The following COL11A1 variants were observed in gnomAD, a reference collection of about 807,000 sequenced individuals.
COL11A1 encodes the protein collagen type XI alpha 1 chain, also known as collagen alpha-1(XI) chain.
A neutral mutation model predicts 265.2 loss-of-function variants in COL11A1; 74 were observed. The observed-to-expected ratio is 0.28, with a 90% CI of 0.23 to 0.34. The LOEUF (loss-of-function observed/expected upper bound fraction) is 0.34. COL11A1 is among the 10% of genes least tolerant of loss of function. The probability of loss-of-function intolerance (pLI) is 1.00; values close to 1 mark genes in which losing one functional copy is unlikely to be tolerated. For missense variants in COL11A1, 2,165 were observed against 2,263.6 expected, an observed-to-expected ratio of 0.96 and a Z score of 0.88; for synonymous variants, 816 against 727.6, an observed-to-expected ratio of 1.12 and a Z score of -1.96.
chr1:103,006,858 T>C (rs1665677639), intron 15 of COL11A1, among the ~76,000 whole-genome samples: 1 of 152,116 alleles, frequency 6.6e-6, no homozygotes. Flanking sequence ...TATGTAGACA[T>C]GAGGTTACAT....
chr1:103,101,781 A>G (rs1674291749), intron 1 of COL11A1, among the ~76,000 whole-genome samples: 1 of 152,030 alleles, frequency 6.6e-6, no homozygotes. Flanking sequence ...GCAAAAGTTA[A>G]TTGTGCTAAA....
chr1:102,892,334 T>A (rs1651878494), intron 57 of COL11A1, among the ~76,000 whole-genome samples: 1 of 152,174 alleles, frequency 6.6e-6, no homozygotes, highest in Admixed American at 6.6e-5. Context: ...AATATTTTCC[T>A]CTATCTGGAA....
chr1:102,896,024 A>G (rs939233142), intron 57 of COL11A1, among the ~76,000 whole-genome samples: 2 of 151,874 alleles, frequency 1.3e-5, no homozygotes. Context: ...TCATTTAATG[A>G]TTCTTGATTT....
chr1:103,088,032 C>T (rs1028260065), intron 1 of COL11A1, among the ~76,000 whole-genome samples: 1 of 152,160 alleles, frequency 6.6e-6, no homozygotes, highest in Admixed American at 6.5e-5. Context: ...TTAAACACCA[C>T]CACCCTTTCA....
intron 62 of COL11A1, 99 bp downstream of exon 62, chr1:102,888,478 G>A (rs2100850345): frequency 8.9e-7 from 1 of 1,129,596 alleles, no homozygotes; most frequent in South Asian, 1.3e-5. Flanking sequence ...AGCACTTTTG[G>A]CAGAATGTGC....
At position 102,998,313 on chromosome 1, in the gene COL11A1, A is replaced by G. The variant is rs766072425; in HGVS notation, c.2193T>C (p.Pro731=). ...GLAGLPGADG[P]PGHPGKEGQS... ...TGACCAGGTAGCTGTTACTTACAGGAGGCCCATCAGCACCAGGAAGTCCAG... is the reference window on the plus strand; with the variant it reads ...TGACCAGGTAGCTGTTACTTACAGGGGGCCCATCAGCACCAGGAAGTCCAG... Residue 731 remains proline, a synonymous_variant, in exon 25 of 67, where the codon CCT becomes CCC. Transcript: ENST00000370096. 6.2e-7 allele frequency: 1 copy of G among 1,606,764 alleles called. No individual in the cohort carries two copies. Among genetic ancestry groups the G allele is most frequent in the Non-Finnish European group, 8.5e-7 (1 of 1,175,566 alleles).
intron 4 of COL11A1, among the ~76,000 whole-genome samples, chr1:103,062,133 A>G (rs911670401): frequency 1.3e-5 from 2 of 151,964 alleles, no homozygotes; most frequent in African/African-American, 4.8e-5. Context: ...AAAACTCATA[A>G]ATAAAGAATT....
chr1:103,054,272 T>A (rs1463178675), intron 4 of COL11A1, among the ~76,000 whole-genome samples: 2 of 152,208 alleles, frequency 1.3e-5, no homozygotes, highest in Non-Finnish European at 2.9e-5. Flanking sequence ...AAGCCACAGC[T>A]ACATTGCGAA....
intron 49 of COL11A1, among the ~76,000 whole-genome samples, chr1:102,918,447 T>A (rs1225082636): frequency 6.6e-6 from 1 of 152,084 alleles, no homozygotes; most frequent in African/African-American, 2.4e-5. Flanking sequence ...CTGGTTTTTT[T>A]ATTCTTCATT....
chr1:102,915,544 C>T, intron 50 of COL11A1, 87 bp downstream of exon 50: 1 of 1,151,404 alleles, frequency 8.7e-7, no homozygotes, highest in South Asian at 1.2e-5. Flanking sequence ...ATTCGAACCA[C>T]AGCTAAGAGT....
intron 4 of COL11A1, among the ~76,000 whole-genome samples, chr1:103,056,159 A>T (rs922102066): frequency 1.3e-5 from 2 of 152,202 alleles, no homozygotes; most frequent in Non-Finnish European, 2.9e-5. Context: ...AAACTTTGAA[A>T]GAAACCCTGT....
rs772289485 is a variant in COL11A1, at chr1:102,889,448, T to C, written c.4464+7A>G. 1 of 1,598,528 alleles carries C rather than the reference T, an allele frequency of 6.3e-7. No individual in the cohort carries two copies. Among genetic ancestry groups the C allele is most frequent in the Non-Finnish European group, 8.6e-7 (1 of 1,166,706 alleles). On this transcript the variant is annotated splice_region_variant and intron_variant, in intron 59 of 66. Coordinates refer to ENST00000370096, the MANE Select transcript of COL11A1 (RefSeq NM_001854.4). Reference sequence around the variant, plus strand: ...GAGTAGAAAAAATAACCTATATTTTTACTCACCCCATCCCCTTTTGCTCCT... The same window carrying C: ...GAGTAGAAAAAATAACCTATATTTTCACTCACCCCATCCCCTTTTGCTCCT...
At chr1:102,998,446 T>G (rs547919904) in intron 24 of COL11A1, 83 bp from the exon 25 acceptor site, 120 of 916,518 alleles carry the variant, frequency 1.3e-4, no homozygotes, top group Non-Finnish European at 1.9e-4. Flanking sequence ...AATGAAATTC[T>G]TATCCTGAGT....
At chr1:102,912,353 C>A (rs1466423459) in intron 53 of COL11A1, 141 bp from the exon 54 acceptor site, 1 of 652,930 alleles carries the variant, frequency 1.5e-6, no homozygotes, top group African/African-American at 1.8e-5. Context: ...AGCCCTATTT[C>A]AGATACCTAA....
intron 41 of COL11A1, chr1:102,961,638 C>T (rs541131433): frequency 6.5e-5 from 32 of 492,060 alleles, no homozygotes; most frequent in South Asian, 2.4e-4. Context: ...CAAGATATCT[C>T]CTTTTACCTC....
intron 41 of COL11A1, among the ~76,000 whole-genome samples, chr1:102,960,438 A>G (rs1408680688): frequency 1.3e-5 from 2 of 151,354 alleles, no homozygotes; most frequent in African/African-American, 2.4e-5. Context: ...CTATATTCCA[A>G]TGTAATTTCT....
intron 1 of COL11A1, among the ~76,000 whole-genome samples, chr1:103,093,361 C>T (rs1673477870): frequency 6.6e-6 from 1 of 151,956 alleles, no homozygotes; most frequent in African/African-American, 2.4e-5. Flanking sequence ...TCCCAGATAC[C>T]ATTAGAAAAA....
chr1:102,901,930 T>G (rs1653261536), intron 54 of COL11A1, among the ~76,000 whole-genome samples: 1 of 152,150 alleles, frequency 6.6e-6, no homozygotes, highest in Non-Finnish European at 1.5e-5. Context: ...TTCACAGAAT[T>G]TAGTCACAAA....
intron 54 of COL11A1, among the ~76,000 whole-genome samples, chr1:102,904,818 A>G (rs1331055178): frequency 5.9e-5 from 9 of 151,978 alleles, no homozygotes; most frequent in Non-Finnish European, 1.2e-4. Flanking sequence ...TCGGTGTGGC[A>G]ATTCCTCAGG....
Sources: allele counts gnomAD v4.1 joint callset (sites outside exome capture counted in the v4.1 genomes callset), GRCh38; gene constraint gnomAD v4.1.1; transcripts MANE v1.5; gene names NCBI Gene and HGNC (gene_info 2026-07-23, HGNC 2026-07-21).